Variants in NR3C2 observed in about 807,000 individuals in gnomAD.
NR3C2 encodes the protein nuclear receptor subfamily 3 group C member 2.
Under a neutral mutation model 86.4 loss-of-function variants are expected in NR3C2, and 15 were observed. The ratio of observed to expected loss-of-function variants is 0.17; its 90% CI spans 0.12 to 0.27. The LOEUF (loss-of-function observed/expected upper bound fraction) is 0.27, where lower values mean the gene tolerates loss of function less well. Ranked by LOEUF, NR3C2 falls within the 10% of genes least tolerant of loss-of-function variation. The pLI is 1.00. For missense variants in NR3C2, 960 were observed against 1,195.6 expected, an observed-to-expected ratio of 0.80 and a Z score of 2.91; for synonymous variants, 458 against 450.5, an observed-to-expected ratio of 1.02 and a Z score of -0.21.
intron 4 of NR3C2, among the ~76,000 whole-genome samples, chr4:148,186,779 C>G (rs1357953534): frequency 1.3e-5 from 2 of 150,774 alleles, no homozygotes; most frequent in Non-Finnish European, 3.0e-5. Flanking sequence ...ACTCTTCCCC[C>G]CAAGTCCCCA....
At chr4:148,260,889 CTG>C (rs1475885272) in intron 2 of NR3C2, among the ~76,000 whole-genome samples, 5 of 152,162 alleles carry the variant, frequency 3.3e-5, no homozygotes, top group Non-Finnish European at 7.3e-5. Flanking sequence ...TTATATAGTA[CTG>C]TGTTAGTTGA....
chr4:148,408,577 A>G (rs1274650217), intron 2 of NR3C2, among the ~76,000 whole-genome samples: 1 of 152,214 alleles, frequency 6.6e-6, no homozygotes, highest in Non-Finnish European at 1.5e-5. Flanking sequence ...CTAAAACCTT[A>G]TAATTCAAAG....
At chr4:148,373,493 T>TTTTA (rs1746520649) in intron 2 of NR3C2, among the ~76,000 whole-genome samples, 1 of 149,282 alleles carries the variant, frequency 6.7e-6, no homozygotes, top group Admixed American at 6.7e-5. Context: ...TTTTTTTTTT[T>TTTTA]AGATGGAGTC....
At chr4:148,417,161 T>C (rs1223533092) in intron 2 of NR3C2, among the ~76,000 whole-genome samples, 2 of 152,218 alleles carry the variant, frequency 1.3e-5, no homozygotes, top group Non-Finnish European at 2.9e-5. Context: ...GGTCTTCTTA[T>C]TGATAAGTAT....
intron 6 of NR3C2, among the ~76,000 whole-genome samples, chr4:148,149,122 A>C (rs1030908669): frequency 6.6e-6 from 1 of 152,238 alleles, no homozygotes; most frequent in Non-Finnish European, 1.5e-5. Flanking sequence ...TGAAAAACAC[A>C]GCTTTGCTCT....
At chr4:148,327,501 C>T (rs937936242) in intron 2 of NR3C2, among the ~76,000 whole-genome samples, 1 of 152,152 alleles carries the variant, frequency 6.6e-6, no homozygotes, top group African/African-American at 2.4e-5. Flanking sequence ...TCTGGAGCAC[C>T]TCTAAAGGTA....
chr4:148,233,018 G>A (rs1422881381), intron 3 of NR3C2, among the ~76,000 whole-genome samples: 1 of 152,174 alleles, frequency 6.6e-6, no homozygotes, highest in Non-Finnish European at 1.5e-5. Context: ...TGGCTGGTTT[G>A]ATCTTCTATC....
At chr4:148,305,606 C>T (rs1278063764) in intron 2 of NR3C2, among the ~76,000 whole-genome samples, 1 of 151,314 alleles carries the variant, frequency 6.6e-6, no homozygotes, top group Non-Finnish European at 1.5e-5. Context: ...TAAGAAAAGG[C>T]TACGCTTTGA....
At chr4:148,278,194 A>ACCTCCC (rs1741054068) in intron 2 of NR3C2, among the ~76,000 whole-genome samples, 1 of 151,698 alleles carries the variant, frequency 6.6e-6, no homozygotes, top group Non-Finnish European at 1.5e-5. Flanking sequence ...CTCCACCTCC[A>ACCTCCC]CCTCCCAGGT....
chr4:148,409,060 T>G (rs1490385674), intron 2 of NR3C2, among the ~76,000 whole-genome samples: 1 of 152,168 alleles, frequency 6.6e-6, no homozygotes, highest in Admixed American at 6.5e-5. Flanking sequence ...TTGTCCAAAT[T>G]TCTCATTATT....
At chr4:148,366,007 CA>C (rs897482940) in intron 2 of NR3C2, among the ~76,000 whole-genome samples, 1 of 151,860 alleles carries the variant, frequency 6.6e-6, no homozygotes, top group Admixed American at 6.6e-5. Context: ...AAAAATCAAA[CA>C]AAAAAACCCC....
At chr4:148,171,068 T>G (rs1281915169) in intron 4 of NR3C2, among the ~76,000 whole-genome samples, 1 of 152,224 alleles carries the variant, frequency 6.6e-6, no homozygotes, top group African/African-American at 2.4e-5. Flanking sequence ...GCTTCCTTAC[T>G]AGCCATCCGT....
chr4:148,102,238 C>A (rs1178707988), intron 8 of NR3C2, among the ~76,000 whole-genome samples: 1 of 152,184 alleles, frequency 6.6e-6, no homozygotes, highest in Non-Finnish European at 1.5e-5. Flanking sequence ...CGTTCTGTGC[C>A]CTCTTCTTGA....
chr4:148,169,613 T>C (rs993685576), intron 4 of NR3C2, among the ~76,000 whole-genome samples: 4 of 152,156 alleles, frequency 2.6e-5, no homozygotes, highest in Admixed American at 2.6e-4. Context: ...TACTAAAAGC[T>C]ATGGCTATTT....
At chr4:148,302,677 TAC>T (rs1169022698) in intron 2 of NR3C2, among the ~76,000 whole-genome samples, 2 of 152,032 alleles carry the variant, frequency 1.3e-5, no homozygotes, top group Admixed American at 6.5e-5. Context: ...ATACCTTGTC[TAC>T]ACAGTCCCCA....
chr4:148,197,672 C>T (rs549635218), intron 3 of NR3C2, among the ~76,000 whole-genome samples: 1 of 152,230 alleles, frequency 6.6e-6, no homozygotes, highest in Admixed American at 6.5e-5. Flanking sequence ...AAATTTGTTA[C>T]TGTAACAACC....
intron 4 of NR3C2, among the ~76,000 whole-genome samples, chr4:148,187,836 A>G (rs1736003492): frequency 6.6e-6 from 1 of 152,154 alleles, no homozygotes; most frequent in Non-Finnish European, 1.5e-5. Flanking sequence ...TATCCTCTAG[A>G]ATTTTCATAG....
chr4:148,170,064 T>C (rs146208516), intron 4 of NR3C2, among the ~76,000 whole-genome samples: 61 of 152,330 alleles, frequency 4.0e-4, no homozygotes, highest in Non-Finnish European at 7.5e-4. Flanking sequence ...TCAACTTCAT[T>C]GACATTTTGG....
rs779009429 is a variant in NR3C2, at chr4:148,435,888, G to T, written c.973C>A (p.Pro325Thr). 3 of 1,614,216 alleles carry T rather than the reference G, an allele frequency of 1.9e-6. No homozygotes were observed. The East Asian group carries it at 6.7e-5, about 36-fold the overall frequency. Residue 325 changes from proline (P) to threonine (T), a missense_variant, in exon 2 of 9, where the codon CCG (proline) becomes ACG (threonine). Pro to Thr is a conservative substitution (Grantham distance 38). Around this residue, in one of 4 missense-constraint regions of NR3C2, gnomAD observed 680 missense variants for 719.0 expected, o/e 0.95. Transcript: ENST00000358102. Reference sequence around the variant, plus strand: ...ATAGATCCCACAGTACTGGCTGCCGGACTGGAAAGCGTGGATCTGTTATTA... The same window carrying T: ...ATAGATCCCACAGTACTGGCTGCCGTACTGGAAAGCGTGGATCTGTTATTA... ...NTNNRSTLSS[P>T]AASTVGSICS...
Sources: gnomAD v4.1 joint callset for allele counts (sites outside exome capture counted in the v4.1 genomes callset) on GRCh38, gnomAD v4.1.1 for gene constraint, gnomAD v4.1.1 regional missense constraint, MANE v1.5 for transcripts, NCBI Gene and HGNC (gene_info 2026-07-23, HGNC 2026-07-21) for gene names.